NUP153: variants seen among roughly 807,000 people sequenced by gnomAD.
NUP153 encodes nuclear pore complex protein Nup153.
In NUP153, 27 loss-of-function variants were observed where a neutral mutation model predicts 134.6. The observed-to-expected ratio is 0.20, with a 90% confidence interval of 0.15 to 0.28. The LOEUF is 0.28. Among genes scored for constraint, NUP153 ranks in the 10% least tolerant of loss-of-function variants. NUP153 has a pLI of 1.00. For synonymous variants in NUP153, 640 were observed against 623.5 expected, an observed-to-expected ratio of 1.03 and a Z score of -0.40; for missense variants, 1,821 against 1,731.3, an observed-to-expected ratio of 1.05 and a Z score of -0.92.
At chr6:17,687,738 G>C (rs1004910572) in intron 2 of NUP153, among the ~76,000 whole-genome samples, 1 of 152,132 alleles carries the variant, frequency 6.6e-6, no homozygotes, top group East Asian at 1.9e-4. Flanking sequence ...AAAACATGTA[G>C]TGAAAGAAAA....
intron 1 of NUP153, among the ~76,000 whole-genome samples, chr6:17,705,833 G>A (rs1770447722): frequency 6.6e-6 from 1 of 151,858 alleles, no homozygotes; most frequent in South Asian, 2.1e-4. Context: ...GATTCCAAGG[G>A]GCAGCCCCCC....
chr6:17,688,045 G>C (rs1581765576), intron 2 of NUP153, among the ~76,000 whole-genome samples: 1 of 152,084 alleles, frequency 6.6e-6, no homozygotes, highest in Non-Finnish European at 1.5e-5. Flanking sequence ...CATGAATTCG[G>C]GAGGCGGAGC....
In NUP153 at chr6:17,622,323, G is replaced by GT. The variant is rs1381478056; in HGVS notation, c.4174+2237dup. 3.3e-5 allele frequency among the ~76,000 whole-genome samples: 5 copies of GT among 152,302 alleles called. No homozygotes were observed. In the East Asian group the frequency reaches 9.7e-4, roughly 29 times the overall value. ...CCCTCCAAAAATGAAACAGATGGGT[G>GT]TAGTGGTGGTGTCTGCCTGTAGTCC... On this transcript the variant is annotated intron_variant, in intron 20 of 21. Transcript: ENST00000262077.
At chr6:17,701,844 G>GCA (rs1554148666) in intron 1 of NUP153, among the ~76,000 whole-genome samples, 1 of 81,706 alleles carries the variant, frequency 1.2e-5, no homozygotes, top group Non-Finnish European at 2.6e-5. Context: ...GGGGGGGGGG[G>GCA]AAAAAAGCTA....
chr6:17,635,462 C>T (rs1314544602), intron 16 of NUP153, among the ~76,000 whole-genome samples: 1 of 152,108 alleles, frequency 6.6e-6, no homozygotes, highest in Admixed American at 6.6e-5. Context: ...AGCGCAGTAG[C>T]ATGATCTCAG....
At chr6:17,674,796 A>G in intron 5 of NUP153, 109 bp downstream of exon 5, 1 of 979,098 alleles carries the variant, frequency 1.0e-6, no homozygotes, top group Non-Finnish European at 1.4e-6. Flanking sequence ...TAAAAGAAAA[A>G]TAAAAAATAA....
At chr6:17,647,459 ATGGAC>A (rs1386019424) in intron 13 of NUP153, among the ~76,000 whole-genome samples, 4 of 152,248 alleles carry the variant, frequency 2.6e-5, no homozygotes, top group African/African-American at 7.2e-5. Context: ...AAATCTGAAT[ATGGAC>A]CATGTCGTTA....
intron 11 of NUP153, among the ~76,000 whole-genome samples, chr6:17,653,156 C>T (rs1219834727): frequency 6.6e-6 from 1 of 152,078 alleles, no homozygotes; most frequent in Admixed American, 6.6e-5. Flanking sequence ...GGGAGGCTGA[C>T]ACGGGAGAGT....
chr6:17,632,633 TA>T lies in NUP153; in HGVS notation c.2659+16del. 1.3e-6 allele frequency: 2 copies of T among 1,572,536 alleles called. No individual in the cohort carries two copies. Among genetic ancestry groups the T allele is most frequent in the South Asian group, 2.4e-5 (2 of 84,734 alleles). On this transcript the variant is annotated intron_variant, in intron 17 of 21. Transcript: ENST00000262077. The stretch of plus-strand genomic sequence containing the variant: ...GGCGCTTTACCATCACCTTTATTTT[TA>T]TTTTTTTGGCCTTACCTTTAAACCC...
chr6:17,686,915 G>T (rs1281594957), intron 2 of NUP153, among the ~76,000 whole-genome samples: 6 of 149,402 alleles, frequency 4.0e-5, no homozygotes, highest in Non-Finnish European at 5.9e-5. Context: ...GGCGGGGAGT[G>T]GGGGGTGTCA....
chr6:17,630,447 G>C (rs933182662), intron 17 of NUP153, among the ~76,000 whole-genome samples: 1 of 152,110 alleles, frequency 6.6e-6, no homozygotes, highest in Non-Finnish European at 1.5e-5. Flanking sequence ...ATCACCCGAG[G>C]TCAGGAGTTC....
chr6:17,670,840 T>C (rs1258110152), intron 5 of NUP153, among the ~76,000 whole-genome samples: 1 of 152,194 alleles, frequency 6.6e-6, no homozygotes, highest in Non-Finnish European at 1.5e-5. Flanking sequence ...AGACAGAGTC[T>C]CAGTCTGTTG....
chr6:17,699,834 C>CA (rs759386273), intron 1 of NUP153, among the ~76,000 whole-genome samples: 15 of 149,176 alleles, frequency 1.0e-4, no homozygotes, highest in Non-Finnish European at 1.5e-4. Flanking sequence ...GATTCTGTCT[C>CA]AAAAAAAAAG....
intron 1 of NUP153, among the ~76,000 whole-genome samples, chr6:17,699,626 C>T (rs1376749555): frequency 6.6e-6 from 1 of 151,954 alleles, no homozygotes; most frequent in African/African-American, 2.4e-5. Flanking sequence ...CACTTGAGGT[C>T]AGAAGTTTGA....
intron 9 of NUP153, among the ~76,000 whole-genome samples, chr6:17,662,708 A>T (rs1767265617): frequency 1.3e-5 from 2 of 152,224 alleles, no homozygotes; most frequent in African/African-American, 4.8e-5. Context: ...ACTTTATGTA[A>T]TAACCACACT....
Position 17,628,620 on chromosome 6 carries a change from A to AG in NUP153, c.3544+34_3544+35insC, listed in dbSNP as rs1485249339. On this transcript the variant is annotated intron_variant, in intron 18 of 21. Coordinates refer to ENST00000262077, the MANE Select transcript of NUP153 (RefSeq NM_005124.4). The surrounding 1 kb of genome is among the most constrained non-coding windows in gnomAD (Gnocchi z 5.4). ...TAAAACGACAACTTGTAAAAAAAAA[A>AG]ATAATAATAATAATAATAAAAAGTT... is the stretch of plus-strand genomic sequence containing the variant. 1 of 1,106,080 alleles carries AG rather than the reference A, an allele frequency of 9.0e-7. No individual in the cohort carries two copies. Among genetic ancestry groups the AG allele is most frequent in the Admixed American group, 5.4e-5 (1 of 18,390 alleles). 68.5% of individuals were successfully genotyped at this position (1,106,080 alleles called of 1,614,324 possible).
At chr6:17,632,950 CTAATAA>C (rs1358696785) in intron 16 of NUP153, 106 bp from the exon 17 acceptor site, 2 of 749,838 alleles carry the variant, frequency 2.7e-6, no homozygotes, top group East Asian at 2.8e-5. Flanking sequence ...TGTTCAGTTT[CTAATAA>C]TATTTCCTAT....
chr6:17,635,073 T>C (rs77845359), intron 16 of NUP153, among the ~76,000 whole-genome samples: 255 of 151,092 alleles, frequency 1.7e-3, no homozygotes, highest in Non-Finnish European at 3.1e-3. Flanking sequence ...CTAAGCCACA[T>C]GCAGCCCACA....
At chr6:17,619,240 T>G (rs1398471704) in intron 20 of NUP153, among the ~76,000 whole-genome samples, 1 of 152,192 alleles carries the variant, frequency 6.6e-6, no homozygotes, top group African/African-American at 2.4e-5. Flanking sequence ...TACATCTATA[T>G]TCAATCAAAA....
Sources: allele counts gnomAD v4.1 joint callset (sites outside exome capture counted in the v4.1 genomes callset), GRCh38; gene constraint gnomAD v4.1.1; non-coding constraint Gnocchi (gnomAD v3.1); transcripts MANE v1.5; gene names NCBI Gene and HGNC (gene_info 2026-07-23, HGNC 2026-07-21).